LCMT1: variants seen among roughly 807,000 people sequenced by gnomAD.
LCMT1 encodes leucine carboxyl methyltransferase 1.
In LCMT1, 32 loss-of-function variants were observed where a neutral mutation model predicts 47.7. The ratio of observed to expected loss-of-function variants is 0.67; its 90% CI spans 0.51 to 0.90. The LOEUF is 0.90. Among genes scored for constraint, LCMT1 ranks in the 40% least tolerant of loss-of-function variants. The probability of loss-of-function intolerance (pLI) is 0.00; values close to 1 mark genes in which losing one functional copy is unlikely to be tolerated. For synonymous variants in LCMT1, 152 were observed against 149.7 expected (o/e 1.02, Z -0.11); for missense variants, 375 against 415.2 (o/e 0.90, Z 0.84).
At chr16:25,138,842 A>AAGG (rs1960583482) in intron 3 of LCMT1, among the ~76,000 whole-genome samples, 1 of 152,128 alleles carries the variant, frequency 6.6e-6, no homozygotes, top group Non-Finnish European at 1.5e-5. Flanking sequence ...TAATTTTACT[A>AAGG]AGGTCAGGCC....
rs546003991 is a variant in LCMT1 at position 25,151,999 on chromosome 16, G to A, written c.466+384G>A. ...GCGAACTGTGTATGTGTGCAGTTGA[G>A]CTTCACATCCCATCATAGGTCCCAT... On this transcript the variant is annotated intron_variant, in intron 5 of 10. Transcript: ENST00000399069. 3.2e-4 allele frequency among the ~76,000 whole-genome samples: 49 copies of A among 152,272 alleles called. No individual in the cohort carries two copies. The South Asian group carries it at 0.01, about 32-fold the overall frequency.
intron 1 of LCMT1, among the ~76,000 whole-genome samples, chr16:25,120,945 A>T (rs1317683978): frequency 8.0e-6 from 1 of 125,084 alleles, no homozygotes. Flanking sequence ...TTTTTTGTAG[A>T]GACGGGGTTT....
chr16:25,148,464 T>C (rs547771873), intron 4 of LCMT1, among the ~76,000 whole-genome samples: 12 of 152,206 alleles, frequency 7.9e-5, no homozygotes, highest in Admixed American at 1.3e-4. Context: ...GGGAAAGCAC[T>C]GAAAGACTTG....
intron 1 of LCMT1, among the ~76,000 whole-genome samples, chr16:25,117,549 G>A (rs1959833752): frequency 6.6e-6 from 1 of 152,090 alleles, no homozygotes; most frequent in Non-Finnish European, 1.5e-5. Context: ...ATGGTGCCAT[G>A]GTTTATTCAG....
At chr16:25,174,844 A>G (rs143769053) in intron 9 of LCMT1, 93 bp from the exon 10 acceptor site, 13 of 549,908 alleles carry the variant, frequency 2.4e-5, no homozygotes, top group South Asian at 1.3e-4. Context: ...CACTTAATCT[A>G]TCATAAACAT....
At chr16:25,128,931 A>T (rs1960272095) in intron 2 of LCMT1, among the ~76,000 whole-genome samples, 1 of 142,130 alleles carries the variant, frequency 7.0e-6, no homozygotes, top group African/African-American at 2.6e-5. Context: ...GGGGAGGGAG[A>T]GCATTAGGAT....
chr16:25,171,270 C>T (rs180956245), intron 9 of LCMT1, among the ~76,000 whole-genome samples: 4 of 151,840 alleles, frequency 2.6e-5, no homozygotes, highest in East Asian at 3.9e-4. Flanking sequence ...AAAAATTAGC[C>T]GGGTGTGGTG....
intron 6 of LCMT1, among the ~76,000 whole-genome samples, chr16:25,163,022 C>T (rs1192258931): frequency 6.6e-6 from 1 of 152,164 alleles, no homozygotes; most frequent in East Asian, 1.9e-4. Flanking sequence ...AGCAGTGCAC[C>T]ACCACACCCA....
At chr16:25,115,772 G>A (rs1959765352) in intron 1 of LCMT1, among the ~76,000 whole-genome samples, 1 of 152,150 alleles carries the variant, frequency 6.6e-6, no homozygotes, top group Non-Finnish European at 1.5e-5. Context: ...CTCCCTCCCG[G>A]GTTCAAGCAA....
chr16:25,146,934 T>G (rs761017326), intron 4 of LCMT1: 1 of 152,254 alleles, frequency 6.6e-6, no homozygotes, highest in South Asian at 2.1e-4. Context: ...TAGCTTTTTC[T>G]AGGTTTTCTC....
intron 9 of LCMT1, among the ~76,000 whole-genome samples, chr16:25,171,225 G>A (rs981126961): frequency 6.6e-6 from 1 of 151,884 alleles, no homozygotes; most frequent in African/African-American, 2.4e-5. Flanking sequence ...GGGCAAAAGA[G>A]CAAAACTCTT....
chr16:25,114,878 A>G (rs974343520), intron 1 of LCMT1, among the ~76,000 whole-genome samples: 16 of 151,830 alleles, frequency 1.1e-4, no homozygotes, highest in African/African-American at 3.9e-4. Context: ...AGCCCTCCTG[A>G]TTGCTGTTGT....
intron 4 of LCMT1, 131 bp downstream of exon 4, chr16:25,140,378 T>C: frequency 1.5e-6 from 1 of 679,006 alleles, no homozygotes; most frequent in East Asian, 2.7e-5. Context: ...CCACCAACTT[T>C]TTTTTTGCCC....
intron 9 of LCMT1, among the ~76,000 whole-genome samples, chr16:25,172,456 TATA>T (rs1961803734): frequency 6.6e-6 from 1 of 152,274 alleles, no homozygotes; most frequent in Non-Finnish European, 1.5e-5. Flanking sequence ...ATTTGCCTGT[TATA>T]AACAACACTG....
intron 3 of LCMT1, among the ~76,000 whole-genome samples, chr16:25,135,858 AGGT>A (rs1004782896): frequency 1.3e-5 from 2 of 152,042 alleles, no homozygotes; most frequent in African/African-American, 4.8e-5. Context: ...TGGGATGCCG[AGGT>A]GGTTGAATTG....
At chr16:25,137,168 G>A (rs1263264769) in intron 3 of LCMT1, among the ~76,000 whole-genome samples, 1 of 152,140 alleles carries the variant, frequency 6.6e-6, no homozygotes, top group Non-Finnish European at 1.5e-5. Context: ...CCGAGTAGCT[G>A]GGATTACAGG....
chr16:25,155,645 C>T (rs1961230511), intron 5 of LCMT1, among the ~76,000 whole-genome samples: 1 of 151,780 alleles, frequency 6.6e-6, no homozygotes, highest in South Asian at 2.1e-4. Context: ...CTGCGTGCCT[C>T]CTGATTTTAC....
At chr16:25,141,103 G>C (rs1247492235) in intron 4 of LCMT1, 1 of 152,102 alleles carries the variant, frequency 6.6e-6, no homozygotes. Context: ...GGGATGTTAT[G>C]GGTTGGAATT....
chr16:25,168,799 C>A (rs1961662154), intron 7 of LCMT1, among the ~76,000 whole-genome samples: 1 of 152,164 alleles, frequency 6.6e-6, no homozygotes, highest in Non-Finnish European at 1.5e-5. Context: ...ATACCTAATG[C>A]TGTGATAAAC....
Sources: allele counts gnomAD v4.1 joint callset (sites outside exome capture counted in the v4.1 genomes callset), GRCh38; gene constraint gnomAD v4.1.1; transcripts MANE v1.5; gene names NCBI Gene and HGNC (gene_info 2026-07-23, HGNC 2026-07-21).